The following PSD3 variants were observed in gnomAD, a reference collection of about 807,000 sequenced individuals.
The protein encoded by PSD3 is PH and SEC7 domain-containing protein 3.
Under a neutral mutation model 105.5 loss-of-function variants are expected in PSD3, and 49 were observed. The observed-to-expected ratio is 0.46, with a 90% CI of 0.37 to 0.59. The LOEUF (loss-of-function observed/expected upper bound fraction) is 0.59, where lower values mean the gene tolerates loss of function less well. Ranked by LOEUF, PSD3 falls within the 20% of genes least tolerant of loss-of-function variation. The pLI is 0.00. For missense variants in PSD3, 1,561 were observed against 1,263.8 expected, an observed-to-expected ratio of 1.24 and a Z score of -3.57; for synonymous variants, 557 against 457.8, an observed-to-expected ratio of 1.22 and a Z score of -2.77.
chr8:18,837,280 G>A (rs913489168), intron 4 of PSD3, among the ~76,000 whole-genome samples: 2 of 152,110 alleles, frequency 1.3e-5, no homozygotes, highest in African/African-American at 2.4e-5. Context: ...TAGACCAGGG[G>A]CCAGCTCTCC....
At chr8:18,549,274 C>G (rs989792449) in intron 15 of PSD3, among the ~76,000 whole-genome samples, 1 of 150,600 alleles carries the variant, frequency 6.6e-6, no homozygotes, top group Non-Finnish European at 1.5e-5. Context: ...CTCTGCCTCC[C>G]GGGTTCAAGT....
intron 9 of PSD3, among the ~76,000 whole-genome samples, chr8:18,728,188 T>G (rs1937341968): frequency 6.6e-6 from 1 of 152,206 alleles, no homozygotes; most frequent in African/African-American, 2.4e-5. Flanking sequence ...GATTTCTCTC[T>G]TCTCTGATTT....
chr8:18,893,103 G>T lies in PSD3; in HGVS notation c.131-20370C>A, dbSNP rs377110885. Reference sequence around the variant, plus strand: ...AGAAAGTACCAGCATCAAATTGCAAGGTCAAGATGGCATAAAACACGGTTG... The same window carrying T: ...AGAAAGTACCAGCATCAAATTGCAATGTCAAGATGGCATAAAACACGGTTG... On this transcript the variant is annotated intron_variant, in intron 2 of 15. Transcript: ENST00000327040. 5.9e-5 allele frequency among the ~76,000 whole-genome samples: 9 copies of T among 152,262 alleles called. No homozygotes were observed. The South Asian group carries it at 1.0e-3, about 18-fold the overall frequency.
At chr8:18,592,952 C>T (rs1028265751) in intron 12 of PSD3, among the ~76,000 whole-genome samples, 13 of 152,158 alleles carry the variant, frequency 8.5e-5, no homozygotes, top group Non-Finnish European at 1.8e-4. Flanking sequence ...CCCTTCCTTA[C>T]ACCTTATACA....
At chr8:18,604,150 T>C (rs930685212) in intron 11 of PSD3, among the ~76,000 whole-genome samples, 21 of 152,080 alleles carry the variant, frequency 1.4e-4, no homozygotes, top group South Asian at 4.2e-4. Flanking sequence ...GACTGAAAGT[T>C]TGGAAATTCC....
At chr8:18,880,399 T>C (rs1181053618) in intron 2 of PSD3, among the ~76,000 whole-genome samples, 2 of 152,148 alleles carry the variant, frequency 1.3e-5, no homozygotes, top group African/African-American at 4.8e-5. Flanking sequence ...CTGTTTGGCA[T>C]GTTAGAAAGC....
At chr8:19,006,013 A>T (rs1372187091) in intron 1 of PSD3, among the ~76,000 whole-genome samples, 3 of 151,856 alleles carry the variant, frequency 2.0e-5, no homozygotes, top group African/African-American at 7.3e-5. Flanking sequence ...TCAATACTAT[A>T]AAGGATATAT....
chr8:18,968,443 A>G (rs1824421443), intron 1 of PSD3, among the ~76,000 whole-genome samples: 1 of 152,230 alleles, frequency 6.6e-6, no homozygotes, highest in African/African-American at 2.4e-5. Context: ...TGAGCAAATC[A>G]TTTGGAATTC....
intron 4 of PSD3, among the ~76,000 whole-genome samples, chr8:18,807,246 T>G (rs933644948): frequency 2.0e-5 from 3 of 152,190 alleles, no homozygotes; most frequent in Non-Finnish European, 4.4e-5. Flanking sequence ...TCAAGGTCAC[T>G]GAAAAAGCAG....
intron 4 of PSD3, chr8:18,865,246 A>T (rs866190734): frequency 1.9e-4 from 3 of 16,048 alleles, no homozygotes; most frequent in African/African-American, 4.8e-4. Flanking sequence ...ATATATATAT[A>T]TATATATATA....
At chr8:18,781,813 T>C (rs1267221254) in intron 8 of PSD3, among the ~76,000 whole-genome samples, 1 of 152,200 alleles carries the variant, frequency 6.6e-6, no homozygotes, top group Non-Finnish European at 1.5e-5. Flanking sequence ...TACCCATCTG[T>C]TCTCTTCCAG....
chr8:18,838,239 T>C (rs1814294611), intron 4 of PSD3, among the ~76,000 whole-genome samples: 1 of 152,176 alleles, frequency 6.6e-6, no homozygotes. Context: ...TCTGATTTCA[T>C]GTAGAGCGAT....
chr8:18,676,652 G>A (rs757274417), intron 9 of PSD3, among the ~76,000 whole-genome samples: 63 of 152,130 alleles, frequency 4.1e-4, no homozygotes, highest in Non-Finnish European at 9.1e-4. Context: ...CCCATCACTC[G>A]AGATAACTAT....
chr8:19,059,300 C>T (rs1046140164), intron 1 of PSD3, among the ~76,000 whole-genome samples: 5 of 152,236 alleles, frequency 3.3e-5, no homozygotes, highest in Admixed American at 1.3e-4. Context: ...ATTCCTTAGA[C>T]CCCCTTTACC....
intron 10 of PSD3, among the ~76,000 whole-genome samples, chr8:18,638,666 T>G (rs1245011632): frequency 1.3e-5 from 2 of 152,278 alleles, no homozygotes; most frequent in East Asian, 3.9e-4. Flanking sequence ...GTTAATGAAC[T>G]GGAAGAATTA....
intron 1 of PSD3, among the ~76,000 whole-genome samples, chr8:19,012,438 G>A (rs2129475420): frequency 6.6e-6 from 1 of 152,304 alleles, no homozygotes; most frequent in East Asian, 1.9e-4. Context: ...GAAAAGGGTA[G>A]AAAGTGAATT....
At position 18,607,683 on chromosome 8, in the gene PSD3, CA is replaced by C. The variant is rs755375836; in HGVS notation, c.2411-7250del. Among the ~76,000 whole-genome samples, 26 of 81,318 alleles carry C rather than the reference CA, an allele frequency of 3.2e-4. 1 individual carries two copies. Among genetic ancestry groups the C allele is most frequent in the African/African-American group, 8.0e-4 (15 of 18,840 alleles). The allele number at this position is 81,318 out of a possible 152,430, so 53.3% of individuals were successfully genotyped here. A position where few individuals can be genotyped will look rare whatever the true frequency, so the allele number is the denominator to read the frequency against. On this transcript the variant is annotated intron_variant, in intron 11 of 15. Coordinates refer to ENST00000327040, the MANE Select transcript of PSD3 (RefSeq NM_015310.4). ...AGCATATAACAAGACTCCACTGCTA[CA>C]AAAAAAAAAAACAAAACAAAAAAAA...
chr8:18,970,344 A>AAAAAAAAAAAAAAAAAAG (rs1563474672), intron 1 of PSD3, among the ~76,000 whole-genome samples: 2 of 148,410 alleles, frequency 1.3e-5, no homozygotes, highest in African/African-American at 5.1e-5. Flanking sequence ...AAAAAAAAAA[A>AAAAAAAAAAAAAAAAAAG]AAAACAAAGA....
At chr8:18,981,862 T>C (rs1825268435) in intron 1 of PSD3, among the ~76,000 whole-genome samples, 1 of 152,242 alleles carries the variant, frequency 6.6e-6, no homozygotes, top group Admixed American at 6.5e-5. Flanking sequence ...TCTTTCCTCA[T>C]TACTGATGGC....
Sources: gnomAD v4.1 joint callset for allele counts (sites outside exome capture counted in the v4.1 genomes callset) on GRCh38, gnomAD v4.1.1 for gene constraint, MANE v1.5 for transcripts, NCBI Gene and HGNC (gene_info 2026-07-23, HGNC 2026-07-21) for gene names.